PHKB: variants seen among roughly 807,000 people sequenced by gnomAD.
PHKB encodes the protein phosphorylase b kinase regulatory subunit beta.
A neutral mutation model predicts 152.1 loss-of-function variants in PHKB; 122 were observed. The observed-to-expected ratio is 0.80, with a 90% CI of 0.69 to 0.93. The LOEUF (loss-of-function observed/expected upper bound fraction) is 0.93. PHKB is among the 40% of genes least tolerant of loss of function. PHKB has a pLI of 0.00. For synonymous variants in PHKB, 436 were observed against 464.9 expected (o/e 0.94, Z 0.80); for missense variants, 1,304 against 1,328.4 (o/e 0.98, Z 0.29).
chr16:47,581,402 T>C (rs1314021154), intron 8 of PHKB, among the ~76,000 whole-genome samples: 2 of 152,126 alleles, frequency 1.3e-5, no homozygotes, highest in Non-Finnish European at 2.9e-5. Context: ...GATGGATGGA[T>C]GGATGAATAG....
intron 13 of PHKB, among the ~76,000 whole-genome samples, chr16:47,610,159 A>T (rs1204573661): frequency 6.0e-5 from 6 of 99,426 alleles, no homozygotes; most frequent in African/African-American, 8.2e-5. Flanking sequence ...TGCCCAGCTA[A>T]TTTTTTTTTT....
chr16:47,688,369 C>G (rs927017882), intron 26 of PHKB, among the ~76,000 whole-genome samples: 3 of 152,154 alleles, frequency 2.0e-5, no homozygotes, highest in Non-Finnish European at 4.4e-5. Flanking sequence ...TGAGATGAAT[C>G]TACAAAAATG....
intron 16 of PHKB, among the ~76,000 whole-genome samples, chr16:47,642,851 CAATTTAA>C (rs1973049685): frequency 6.6e-6 from 1 of 152,112 alleles, no homozygotes; most frequent in Admixed American, 6.5e-5. Flanking sequence ...GAGTAGGTAA[CAATTTAA>C]ACTCACGCCC....
chr16:47,698,662 A>G lies in PHKB; in HGVS notation c.3144+74A>G, dbSNP rs574314166. 73 of 1,206,236 alleles carry G rather than the reference A, an allele frequency of 6.1e-5. No homozygotes were observed. In the South Asian group the frequency reaches 9.7e-4, roughly 16 times the overall value. 74.7% of individuals were successfully genotyped at this position (1,206,236 alleles called of 1,614,324 possible). ...TGTCTCAATTCTTTAAAATATCCCT[A>G]ATCTCTTTTCATTTACTTTATAAAA... is the stretch of plus-strand genomic sequence containing the variant. On this transcript the variant is annotated intron_variant, in intron 30 of 30. Transcript: ENST00000323584.
chr16:47,586,529 A>G (rs960668192), intron 8 of PHKB, among the ~76,000 whole-genome samples: 2 of 152,174 alleles, frequency 1.3e-5, no homozygotes, highest in Admixed American at 1.3e-4. Flanking sequence ...ATGTACAAAC[A>G]TGGGCTACTA....
intron 20 of PHKB, among the ~76,000 whole-genome samples, chr16:47,657,133 T>C (rs1973353018): frequency 6.6e-6 from 1 of 152,192 alleles, no homozygotes; most frequent in Non-Finnish European, 1.5e-5. Flanking sequence ...TTCTTTCATT[T>C]TATGTTTAGC....
At position 47,580,286 on chromosome 16, in the gene PHKB, C is replaced by A; in HGVS notation, c.711-9C>A. 1 of 1,608,528 alleles carries A rather than the reference C, an allele frequency of 6.2e-7. No homozygotes were observed. The highest frequency in any genetic ancestry group is 8.5e-7 in the Non-Finnish European group (1 of 1,175,190). ...TTAGAGTAATAAAGCATTTCCTTTT[C>A]TCTTTTAGCTCGGTTGGTTTAGCAA... On this transcript the variant is annotated splice_polypyrimidine_tract_variant and intron_variant, in intron 7 of 30. Coordinates refer to ENST00000323584, the MANE Select transcript of PHKB (RefSeq NM_000293.3).
intron 7 of PHKB, among the ~76,000 whole-genome samples, chr16:47,574,336 G>C (rs12922960): frequency 0.68 from 103,117 of 152,008 alleles, 35,322 homozygotes; most frequent in East Asian, 0.92. Flanking sequence ...CAGTCTCCCC[G>C]CTTTCACACC....
chr16:47,603,097 G>T (rs774812202), intron 13 of PHKB, among the ~76,000 whole-genome samples: 8 of 152,124 alleles, frequency 5.3e-5, no homozygotes, highest in Non-Finnish European at 1.0e-4. Flanking sequence ...GAAATCTAAT[G>T]CTTTTTAAAC....
intron 13 of PHKB, chr16:47,598,872 A>G (rs1972169851): frequency 1.2e-6 from 2 of 1,604,724 alleles, no homozygotes; most frequent in South Asian, 1.1e-5. Flanking sequence ...TATACTTTCT[A>G]TATGCTGCAT....
At chr16:47,642,751 C>T (rs1272521335) in intron 16 of PHKB, among the ~76,000 whole-genome samples, 1 of 152,088 alleles carries the variant, frequency 6.6e-6, no homozygotes, top group East Asian at 1.9e-4. Context: ...ACCAAGAGCA[C>T]CAGCTCTTGG....
intron 6 of PHKB, among the ~76,000 whole-genome samples, chr16:47,525,667 C>T (rs964090070): frequency 6.6e-6 from 1 of 151,968 alleles, no homozygotes; most frequent in African/African-American, 2.4e-5. Context: ...TTTTGCTAGC[C>T]GAAAACAACG....
At chr16:47,625,676 A>C (rs1972696876) in intron 14 of PHKB, among the ~76,000 whole-genome samples, 1 of 152,150 alleles carries the variant, frequency 6.6e-6, no homozygotes, top group South Asian at 2.1e-4. Context: ...CTCTGTCTTC[A>C]GTTACTCTAA....
At position 47,480,772 on chromosome 16, in the gene PHKB, G is replaced by A. The variant is rs77919845; in HGVS notation, c.77-16627G>A. ...AAAGTACTGCAAAATTTTAATAGAC[G>A]TAATGTTCACCCATAGTCACATTCT... On this transcript the variant is annotated intron_variant, in intron 1 of 30. Transcript: ENST00000323584. 2.7e-3 allele frequency among the ~76,000 whole-genome samples: 407 copies of A among 152,000 alleles called. 10 individuals carry two copies. The East Asian group carries it at 0.04, about 15-fold the overall frequency.
chr16:47,689,665 G>A (rs907230815), intron 27 of PHKB, among the ~76,000 whole-genome samples: 1 of 152,194 alleles, frequency 6.6e-6, no homozygotes, highest in Non-Finnish European at 1.5e-5. Context: ...GGATTGTGTT[G>A]ACTTGAAGAA....
chr16:47,485,876 C>G (rs1320354277), intron 1 of PHKB, among the ~76,000 whole-genome samples: 1 of 151,972 alleles, frequency 6.6e-6, no homozygotes, highest in Non-Finnish European at 1.5e-5. Context: ...CTGCCTTGGC[C>G]TCCCAAAGTG....
At chr16:47,577,778 T>C (rs1340690894) in intron 7 of PHKB, among the ~76,000 whole-genome samples, 1 of 152,186 alleles carries the variant, frequency 6.6e-6, no homozygotes, top group Non-Finnish European at 1.5e-5. Flanking sequence ...ACTGTCAAGA[T>C]TTTTTTCTTT....
At chr16:47,517,827 G>A (rs1407608129) in intron 6 of PHKB, among the ~76,000 whole-genome samples, 1 of 151,928 alleles carries the variant, frequency 6.6e-6, no homozygotes, top group Non-Finnish European at 1.5e-5. Flanking sequence ...AAGTTTTTAT[G>A]CAGCTAATTA....
intron 13 of PHKB, among the ~76,000 whole-genome samples, chr16:47,600,845 G>A (rs1383569238): frequency 1.3e-5 from 2 of 152,178 alleles, no homozygotes; most frequent in African/African-American, 4.8e-5. Flanking sequence ...TGTATTTATT[G>A]CATTAAAAAT....
Sources: gnomAD v4.1 joint callset for allele counts (sites outside exome capture counted in the v4.1 genomes callset) on GRCh38, gnomAD v4.1.1 for gene constraint, MANE v1.5 for transcripts, NCBI Gene and HGNC (gene_info 2026-07-23, HGNC 2026-07-21) for gene names.